GTF2F2: variants seen among roughly 807,000 people sequenced by gnomAD.
GTF2F2 encodes the protein ATP-dependent helicase GTF2F2.
A neutral mutation model predicts 42.2 loss-of-function variants in GTF2F2; 23 were observed. The ratio of observed to expected loss-of-function variants is 0.55; its 90% confidence interval spans 0.39 to 0.77. GTF2F2 has a LOEUF of 0.77. GTF2F2 is among the 30% of genes least tolerant of loss of function. GTF2F2 has a pLI of 0.00. For synonymous variants in GTF2F2, 105 were observed against 100.8 expected (o/e 1.04, Z -0.25); for missense variants, 261 against 287.2 (o/e 0.91, Z 0.66).
chr13:45,266,928 A>G (rs1876585608), intron 6 of GTF2F2, among the ~76,000 whole-genome samples: 1 of 152,308 alleles, frequency 6.6e-6, no homozygotes, highest in Non-Finnish European at 1.5e-5. Context: ...CAGGTGGATC[A>G]CCTGAGGTCA....
At chr13:45,227,248 A>G (rs1279201174) in intron 5 of GTF2F2, among the ~76,000 whole-genome samples, 1 of 152,218 alleles carries the variant, frequency 6.6e-6, no homozygotes, top group Non-Finnish European at 1.5e-5. Context: ...ATTTATTAGC[A>G]TATGAAATTT....
intron 4 of GTF2F2, among the ~76,000 whole-genome samples, chr13:45,162,268 T>C (rs923594068): frequency 6.6e-6 from 1 of 152,212 alleles, no homozygotes; most frequent in African/African-American, 2.4e-5. Flanking sequence ...GGCAGCCATC[T>C]TCAAGTCCCA....
At chr13:45,203,489 TC>T (rs1873296919) in intron 4 of GTF2F2, among the ~76,000 whole-genome samples, 1 of 152,152 alleles carries the variant, frequency 6.6e-6, no homozygotes. Context: ...CTCCTGTGCT[TC>T]CCTTTCAGTC....
At chr13:45,225,593 A>G (rs1874304913) in intron 5 of GTF2F2, among the ~76,000 whole-genome samples, 1 of 146,644 alleles carries the variant, frequency 6.8e-6, no homozygotes, top group Admixed American at 6.9e-5. Flanking sequence ...CTTGTGCAAC[A>G]GGAGTGAAGC....
intron 4 of GTF2F2, chr13:45,193,655 C>A (rs931911942): frequency 2.6e-6 from 2 of 761,530 alleles, no homozygotes; most frequent in South Asian, 2.0e-5. Flanking sequence ...ACCGTTAGCT[C>A]ACAGTAATTG....
chr13:45,196,238 G>A (rs1208267791), intron 4 of GTF2F2, among the ~76,000 whole-genome samples: 4 of 152,162 alleles, frequency 2.6e-5, no homozygotes, highest in Non-Finnish European at 1.5e-5. Flanking sequence ...TAGAGACTGT[G>A]AAATTCAACT....
At chr13:45,175,510 T>C (rs1488133685) in intron 4 of GTF2F2, among the ~76,000 whole-genome samples, 1 of 152,218 alleles carries the variant, frequency 6.6e-6, no homozygotes. Context: ...TTCTTTTTTA[T>C]ATATGTTTTA....
At chr13:45,246,534 A>G (rs569639588) in intron 5 of GTF2F2, among the ~76,000 whole-genome samples, 134 of 152,330 alleles carry the variant, frequency 8.8e-4, no homozygotes, top group African/African-American at 3.0e-3. Flanking sequence ...CTGGATTGGT[A>G]CAGTAGCTTT....
At chr13:45,156,317 G>A (rs1170254556) in intron 4 of GTF2F2, among the ~76,000 whole-genome samples, 1 of 152,234 alleles carries the variant, frequency 6.6e-6, no homozygotes. Context: ...GGCTTCAGAA[G>A]TGGAGATAAT....
intron 4 of GTF2F2, among the ~76,000 whole-genome samples, chr13:45,191,652 T>C (rs1238145699): frequency 3.3e-5 from 5 of 152,088 alleles, no homozygotes; most frequent in Non-Finnish European, 7.4e-5. Flanking sequence ...TACAAGTAAT[T>C]TGGAATTTAA....
chr13:45,156,502 T>G (rs1870762814), intron 4 of GTF2F2, among the ~76,000 whole-genome samples: 1 of 152,232 alleles, frequency 6.6e-6, no homozygotes, highest in Admixed American at 6.5e-5. Context: ...AACTTAGCTG[T>G]GGATGTCACA....
chr13:45,195,411 A>G (rs1280805336), intron 4 of GTF2F2, among the ~76,000 whole-genome samples: 1 of 152,184 alleles, frequency 6.6e-6, no homozygotes, highest in East Asian at 1.9e-4. Flanking sequence ...AGACTTGGAC[A>G]ATTATAGAAA....
intron 5 of GTF2F2, among the ~76,000 whole-genome samples, chr13:45,239,894 T>G (rs1041924124): frequency 2.0e-5 from 3 of 152,118 alleles, no homozygotes; most frequent in Non-Finnish European, 4.4e-5. Context: ...TTGAATTTTT[T>G]CCCCCACTCT....
At chr13:45,159,663 G>A (rs978498384) in intron 4 of GTF2F2, among the ~76,000 whole-genome samples, 6 of 152,112 alleles carry the variant, frequency 3.9e-5, no homozygotes, top group Non-Finnish European at 5.9e-5. Flanking sequence ...TATTAGAGAC[G>A]GGGTTTTGCC....
intron 2 of GTF2F2, among the ~76,000 whole-genome samples, chr13:45,143,276 T>TA (rs1870022778): frequency 6.6e-6 from 1 of 152,104 alleles, no homozygotes; most frequent in African/African-American, 2.4e-5. Context: ...ACCTGTGGTT[T>TA]AAAAAAATGT....
chr13:45,191,235 A>ATATATATATATG (rs1409412815), intron 4 of GTF2F2, among the ~76,000 whole-genome samples: 2 of 125,954 alleles, frequency 1.6e-5, no homozygotes, highest in African/African-American at 6.5e-5. Flanking sequence ...ATATATATAT[A>ATATATATATATG]TATATATATA....
intron 4 of GTF2F2, chr13:45,193,828 C>G: frequency 2.5e-6 from 4 of 1,608,718 alleles, no homozygotes; most frequent in Non-Finnish European, 3.4e-6. Flanking sequence ...AACAATTGAC[C>G]CTTTGGAACA....
At chr13:45,146,250 C>A (rs889726202) in intron 2 of GTF2F2, among the ~76,000 whole-genome samples, 1 of 152,118 alleles carries the variant, frequency 6.6e-6, no homozygotes, top group Non-Finnish European at 1.5e-5. Context: ...AATCTCAGCA[C>A]TTTGCGAGGC....
Position 45,283,570 on chromosome 13 carries a change from C to G in GTF2F2, c.*9C>G. On this transcript the variant is annotated 3_prime_UTR_variant, in exon 8 of 8. Transcript: ENST00000340473. ...AAGAAAAGAGTGACTAAGAAGACTCCTAGCCAGCATGCTAGTGAAACGACT... is the reference window on the plus strand; with the variant it reads ...AAGAAAAGAGTGACTAAGAAGACTCGTAGCCAGCATGCTAGTGAAACGACT... 1.3e-6 allele frequency: 2 copies of G among 1,596,106 alleles called. No homozygotes were observed. Among genetic ancestry groups the G allele is most frequent in the Non-Finnish European group, 1.7e-6 (2 of 1,173,188 alleles).
Sources: allele counts gnomAD v4.1 joint callset (sites outside exome capture counted in the v4.1 genomes callset), GRCh38; gene constraint gnomAD v4.1.1; transcripts MANE v1.5; gene names NCBI Gene and HGNC (gene_info 2026-07-23, HGNC 2026-07-21).